Variants in DTWD2 observed in about 807,000 individuals in gnomAD.
DTWD2 encodes the protein tRNA-uridine aminocarboxypropyltransferase 2.
In DTWD2, 39 loss-of-function variants were observed where a neutral mutation model predicts 31.8. That is an observed-to-expected ratio of 1.22 (90% CI 0.95 to 1.60). DTWD2 has a LOEUF of 1.60. Among genes scored for constraint, DTWD2 ranks in the 40% most tolerant of loss-of-function variants. The pLI is 0.00. For missense variants in DTWD2, 515 were observed against 381.5 expected (o/e 1.35, Z -2.92); for synonymous variants, 180 against 142.8 (o/e 1.26, Z -1.86).
At chr5:118,983,130 A>G (rs78018402) in intron 1 of DTWD2, among the ~76,000 whole-genome samples, 2,213 of 152,298 alleles carry the variant, frequency 0.015, 55 homozygotes, top group African/African-American at 0.05. Context: ...GACAACCACA[A>G]TGATGTACAG....
At chr5:118,958,708 T>G (rs1754644871) in intron 1 of DTWD2, among the ~76,000 whole-genome samples, 1 of 151,600 alleles carries the variant, frequency 6.6e-6, no homozygotes, top group South Asian at 2.1e-4. Context: ...CAAAAAAAAT[T>G]AGCAAACCGA....
At chr5:118,902,191 G>A (rs534514324) in intron 4 of DTWD2, among the ~76,000 whole-genome samples, 1 of 152,154 alleles carries the variant, frequency 6.6e-6, no homozygotes, top group Admixed American at 6.5e-5. Flanking sequence ...ATAGTGGAAA[G>A]CTACAAATGT....
intron 1 of DTWD2, among the ~76,000 whole-genome samples, chr5:118,952,405 G>A (rs951567348): frequency 6.6e-6 from 1 of 152,138 alleles, no homozygotes; most frequent in Non-Finnish European, 1.5e-5. Context: ...ATAGGGGTGG[G>A]GCCATTTTAT....
chr5:118,937,742 A>C (rs981224906), intron 3 of DTWD2, among the ~76,000 whole-genome samples: 12 of 152,170 alleles, frequency 7.9e-5, no homozygotes, highest in Admixed American at 5.9e-4. Flanking sequence ...ATAATCCCAC[A>C]GGTCTCCCCT....
In DTWD2 at chr5:118,848,087, T is replaced by G. The variant is rs774025802; in HGVS notation, c.726+3A>C. On this transcript the variant is annotated splice_donor_region_variant and intron_variant, in intron 5 of 5. Coordinates refer to ENST00000510708, the MANE Select transcript of DTWD2 (RefSeq NM_173666.4). ...GAAAAACTATAACCTTACAAAGACG[T>G]ACCTCTTGTATGTAATTATTTTTCT... The G allele has an allele frequency of 6.4e-7, 1 of 1,555,670 alleles. No individual in the cohort carries two copies. Among genetic ancestry groups the G allele is most frequent in the Non-Finnish European group, 8.6e-7 (1 of 1,157,172 alleles).
intron 4 of DTWD2, among the ~76,000 whole-genome samples, chr5:118,851,218 CAAAAAAAAAAAA>C (rs35541408): frequency 3.7e-5 from 3 of 81,968 alleles, no homozygotes; most frequent in African/African-American, 1.5e-4. Flanking sequence ...GACCCTATCT[CAAAAAAAAAAAA>C]AAAAAAAAGA....
At chr5:118,987,990 C>T (rs2149607192) in intron 1 of DTWD2, 2 of 662,078 alleles carry the variant, frequency 3.0e-6, no homozygotes, top group South Asian at 3.2e-5. Context: ...ACAAGTATTA[C>T]TGTCATCACC....
intron 4 of DTWD2, among the ~76,000 whole-genome samples, chr5:118,861,655 C>CTATG (rs1412032881): frequency 3.9e-5 from 6 of 152,072 alleles, no homozygotes; most frequent in Non-Finnish European, 7.4e-5. Context: ...TGAGTACCAA[C>CTATG]TATGTGCCTG....
At chr5:118,968,944 C>T (rs1187389075) in intron 1 of DTWD2, among the ~76,000 whole-genome samples, 10 of 152,178 alleles carry the variant, frequency 6.6e-5, no homozygotes, top group Admixed American at 5.9e-4. Context: ...TCCTGAGGGG[C>T]TTGGGAGTGG....
At chr5:118,984,880 C>G (rs1388900546) in intron 1 of DTWD2, among the ~76,000 whole-genome samples, 2 of 152,154 alleles carry the variant, frequency 1.3e-5, no homozygotes, top group East Asian at 1.9e-4. Flanking sequence ...GAATGAGGCC[C>G]TAATTCTTCC....
At chr5:118,877,498 A>G (rs928078991) in intron 4 of DTWD2, among the ~76,000 whole-genome samples, 4 of 151,968 alleles carry the variant, frequency 2.6e-5, no homozygotes, top group African/African-American at 4.8e-5. Context: ...AAAAAAATAA[A>G]AAAAGCTCTC....
chr5:118,971,093 A>G (rs1208687571), intron 1 of DTWD2, among the ~76,000 whole-genome samples: 1 of 152,204 alleles, frequency 6.6e-6, no homozygotes, highest in Non-Finnish European at 1.5e-5. Flanking sequence ...CTGCAAAATA[A>G]CCAGCTAGCT....
intron 4 of DTWD2, among the ~76,000 whole-genome samples, chr5:118,888,206 T>C (rs950707568): frequency 6.6e-6 from 1 of 152,234 alleles, no homozygotes; most frequent in Non-Finnish European, 1.5e-5. Flanking sequence ...AACATAAGCA[T>C]GGCACACCTA....
chr5:118,928,806 A>G, intron 3 of DTWD2, 77 bp from the exon 4 acceptor site: 1 of 1,234,198 alleles, frequency 8.1e-7, no homozygotes, highest in South Asian at 2.0e-5. Context: ...TGAATTTCCT[A>G]ATAAAAGTTT....
chr5:118,981,684 C>T (rs931982724), intron 1 of DTWD2, among the ~76,000 whole-genome samples: 1 of 152,152 alleles, frequency 6.6e-6, no homozygotes, highest in Non-Finnish European at 1.5e-5. Flanking sequence ...CCTCAGCCTC[C>T]CCGAATCTGC....
chr5:118,974,046 C>G, intron 1 of DTWD2: 1 of 1,606,476 alleles, frequency 6.2e-7, no homozygotes, highest in Non-Finnish European at 8.5e-7. Context: ...GCTGAGACAG[C>G]TACGGGCAAG....
intron 4 of DTWD2, among the ~76,000 whole-genome samples, chr5:118,862,438 G>A (rs1485913523): frequency 6.6e-6 from 1 of 151,984 alleles, no homozygotes; most frequent in Non-Finnish European, 1.5e-5. Context: ...TTAGAAATAG[G>A]GCCGATGTAA....
intron 3 of DTWD2, among the ~76,000 whole-genome samples, chr5:118,936,656 A>T (rs763984298): frequency 1.4e-4 from 21 of 151,952 alleles, no homozygotes; most frequent in South Asian, 4.2e-4. Context: ...TTTTTTTTTA[A>T]ATTTATGCTT....
At chr5:118,975,636 G>A (rs1284880765) in intron 1 of DTWD2, among the ~76,000 whole-genome samples, 1 of 152,094 alleles carries the variant, frequency 6.6e-6, no homozygotes, top group African/African-American at 2.4e-5. Context: ...CAGCCTTTTT[G>A]TGCTGGTTTT....
Sources: allele counts gnomAD v4.1 joint callset (sites outside exome capture counted in the v4.1 genomes callset), GRCh38; gene constraint gnomAD v4.1.1; transcripts MANE v1.5; gene names NCBI Gene and HGNC (gene_info 2026-07-23, HGNC 2026-07-21).